Variants in ADAMTS2 observed in about 807,000 individuals in gnomAD.
The protein encoded by ADAMTS2 is ADAM metallopeptidase with thrombospondin type 1 motif 2.
In ADAMTS2, 50 loss-of-function variants were observed where a neutral mutation model predicts 123.0. The observed-to-expected ratio is 0.41, with a 90% CI of 0.32 to 0.51. The LOEUF is 0.51. Among genes scored for constraint, ADAMTS2 ranks in the 20% least tolerant of loss-of-function variants. The probability of loss-of-function intolerance (pLI) is 0.35; values close to 1 mark genes in which losing one functional copy is unlikely to be tolerated. For synonymous variants in ADAMTS2, 678 were observed against 695.4 expected (o/e 0.98, Z 0.39); for missense variants, 1,494 against 1,705.2 (o/e 0.88, Z 2.18).
chr5:179,245,524 T>C (rs1055173596), intron 3 of ADAMTS2, among the ~76,000 whole-genome samples: 4 of 148,616 alleles, frequency 2.7e-5, no homozygotes, highest in Admixed American at 2.7e-4. Context: ...CCCAGCACTT[T>C]GGGAGGCCGA....
intron 4 of ADAMTS2, among the ~76,000 whole-genome samples, chr5:179,186,157 A>G (rs1561794426): frequency 6.6e-6 from 1 of 152,036 alleles, no homozygotes; most frequent in Non-Finnish European, 1.5e-5. Context: ...TGGGCCTGGG[A>G]TCCTGCTCCG....
chr5:179,226,238 TC>T, intron 3 of ADAMTS2, among the ~76,000 whole-genome samples: 2 of 141,396 alleles, frequency 1.4e-5, no homozygotes, highest in Non-Finnish European at 3.2e-5. Context: ...CTTCCTTCCT[TC>T]CTTTCTTTCT....
Position 179,285,218 on chromosome 5 carries a change from AT to A in ADAMTS2, c.535-12155del, listed in dbSNP as rs900094490. Among the ~76,000 whole-genome samples, 1 of 151,988 alleles carries A rather than the reference AT, an allele frequency of 6.6e-6. No individual in the cohort carries two copies. The highest frequency in any genetic ancestry group is 2.4e-5 in the African/African-American group (1 of 41,448). ...TTCACTTTTTATTAATATTTTCTGT[AT>A]TTTTTTTGTTTTACATTTTTACAAA... is the stretch of plus-strand genomic sequence containing the variant. On this transcript the variant is annotated intron_variant, in intron 2 of 21. Coordinates refer to ENST00000251582, the MANE Select transcript of ADAMTS2 (RefSeq NM_014244.5). The surrounding 1 kb of genome is among the most constrained non-coding windows in gnomAD (Gnocchi z 4.9).
At position 179,290,864 on chromosome 5, in the gene ADAMTS2, G is replaced by A. The variant is rs767247572; in HGVS notation, c.535-17800C>T. 3.3e-5 allele frequency among the ~76,000 whole-genome samples: 5 copies of A among 152,176 alleles called. No homozygotes were observed. In the South Asian group the frequency reaches 6.2e-4, roughly 19 times the overall value. On this transcript the variant is annotated intron_variant, in intron 2 of 21. Coordinates refer to ENST00000251582, the MANE Select transcript of ADAMTS2 (RefSeq NM_014244.5). Reference sequence around the variant, plus strand: ...GCCCTGAGAAGGAAGCAAGCCTGGCGTGTTCCAGGAACACCAGGGAGAACC... The same window carrying A: ...GCCCTGAGAAGGAAGCAAGCCTGGCATGTTCCAGGAACACCAGGGAGAACC...
rs1236555016 is a variant in ADAMTS2, at chr5:179,317,538, G to C, written c.534+26229C>G. Reference sequence around the variant, plus strand: ...ACCCAGAGGCCATCCCAGCGACACTGTGTGGGGACTCCTGCACCTCTTCCT... The same window carrying C: ...ACCCAGAGGCCATCCCAGCGACACTCTGTGGGGACTCCTGCACCTCTTCCT... On this transcript the variant is annotated intron_variant, in intron 2 of 21. Coordinates refer to ENST00000251582, the MANE Select transcript of ADAMTS2 (RefSeq NM_014244.5). This position sits in a 1 kb window ranked among gnomAD's most constrained non-coding sequence, Gnocchi z 4.9. Among the ~76,000 whole-genome samples the C allele has an allele frequency of 6.6e-6, 1 of 152,188 alleles. No homozygotes were observed. The highest frequency in any genetic ancestry group is 1.5e-5 in the Non-Finnish European group (1 of 68,036).
At chr5:179,293,456 T>C (rs1332888384) in intron 2 of ADAMTS2, among the ~76,000 whole-genome samples, 2 of 152,246 alleles carry the variant, frequency 1.3e-5, no homozygotes, top group South Asian at 2.1e-4. Context: ...ATAGGGAACA[T>C]GGCCTTCCCA....
chr5:179,333,507 C>G (rs1757531113), intron 2 of ADAMTS2, among the ~76,000 whole-genome samples: 1 of 151,790 alleles, frequency 6.6e-6, no homozygotes. Context: ...CAAAGCTCCT[C>G]AAATCCCATG....
In ADAMTS2 at chr5:179,129,925, G is replaced by T. The variant is rs777818449; in HGVS notation, c.2457+7C>A. 1.2e-6 allele frequency: 2 copies of T among 1,613,762 alleles called. No individual in the cohort carries two copies. The highest frequency in any genetic ancestry group is 8.5e-7 in the Non-Finnish European group (1 of 1,180,004). On this transcript the variant is annotated splice_region_variant and intron_variant, in intron 16 of 21. Coordinates refer to ENST00000251582, the MANE Select transcript of ADAMTS2 (RefSeq NM_014244.5). This position sits in a 1 kb window ranked among gnomAD's most constrained non-coding sequence, Gnocchi z 4.1. ...CCTTCCCTGGGCCCAGCCCTGCTTGGACTCACCAGAACGGTGATGGTGCCG... is the reference window on the plus strand; with the variant it reads ...CCTTCCCTGGGCCCAGCCCTGCTTGTACTCACCAGAACGGTGATGGTGCCG...
At chr5:179,273,356 C>T (rs886839520) in intron 2 of ADAMTS2, among the ~76,000 whole-genome samples, 9 of 152,094 alleles carry the variant, frequency 5.9e-5, no homozygotes, top group African/African-American at 2.2e-4. Flanking sequence ...AAGTCAAAAC[C>T]GTCCAGAGAA....
chr5:179,321,580 G>A (rs1047445817), intron 2 of ADAMTS2, among the ~76,000 whole-genome samples: 15 of 152,104 alleles, frequency 9.9e-5, no homozygotes, highest in Admixed American at 5.2e-4. Flanking sequence ...CACATGGTGG[G>A]GGGCCAAGGA....
chr5:179,195,004 C>T lies in ADAMTS2; in HGVS notation c.891+12509G>A, dbSNP rs189056287. Among the ~76,000 whole-genome samples the T allele has an allele frequency of 2.0e-4, 31 of 152,296 alleles. No homozygotes were observed. The East Asian group carries it at 2.3e-3, about 11-fold the overall frequency. The stretch of plus-strand genomic sequence containing the variant: ...CACGATGCGGCCAGGCCTTTGCGCG[C>T]GCTGTGCCACCACCAGGAGTCCTCA... On this transcript the variant is annotated intron_variant, in intron 4 of 21. Transcript: ENST00000251582.
rs763602444 is a variant in ADAMTS2 at position 179,117,784 on chromosome 5, C to G, written c.3179-3460G>C. Among the ~76,000 whole-genome samples the G allele has an allele frequency of 7.9e-5, 12 of 152,132 alleles. No individual in the cohort carries two copies. Among genetic ancestry groups the G allele is most frequent in the Non-Finnish European group, 1.6e-4 (11 of 68,018 alleles). The stretch of plus-strand genomic sequence containing the variant: ...AACTCCTGACCTTGTGATCCATCCA[C>G]CTCAGCCTCCCAAAGTGCTGGGATT... On this transcript the variant is annotated intron_variant, in intron 21 of 21. Transcript: ENST00000251582. This position sits in a 1 kb window ranked among gnomAD's most constrained non-coding sequence, Gnocchi z 4.2.
intron 3 of ADAMTS2, among the ~76,000 whole-genome samples, chr5:179,240,806 G>C (rs538355730): frequency 6.6e-6 from 1 of 152,340 alleles, no homozygotes; most frequent in South Asian, 2.1e-4. Flanking sequence ...GATGCCAATA[G>C]ACACACTGCT....
At chr5:179,200,556 C>T (rs1764540369) in intron 4 of ADAMTS2, among the ~76,000 whole-genome samples, 1 of 152,072 alleles carries the variant, frequency 6.6e-6, no homozygotes, top group Non-Finnish European at 1.5e-5. Context: ...GCCTATCTTT[C>T]CTCTTACTTT....
At chr5:179,144,715 A>G (rs544496608) in intron 10 of ADAMTS2, among the ~76,000 whole-genome samples, 1 of 152,376 alleles carries the variant, frequency 6.6e-6, no homozygotes, top group Admixed American at 6.5e-5. Flanking sequence ...GACGTTGGAC[A>G]TCTTCCTCAC....
At chr5:179,183,320 A>T (rs1764092059) in intron 4 of ADAMTS2, among the ~76,000 whole-genome samples, 1 of 152,206 alleles carries the variant, frequency 6.6e-6, no homozygotes, top group Admixed American at 6.5e-5. Flanking sequence ...AGTCTGACCG[A>T]GGGAAGGTCC....
chr5:179,174,489 T>G (rs779721761), intron 5 of ADAMTS2, among the ~76,000 whole-genome samples: 5 of 152,228 alleles, frequency 3.3e-5, no homozygotes, highest in African/African-American at 7.2e-5. Context: ...TCTTCTTGAT[T>G]TGTGTGATTT....
intron 2 of ADAMTS2, among the ~76,000 whole-genome samples, chr5:179,333,686 G>A (rs145501136): frequency 9.6e-4 from 133 of 138,510 alleles, no homozygotes; most frequent in African/African-American, 3.2e-3. Flanking sequence ...TGCAAGCTCC[G>A]CCTCCTGGGT....
intron 4 of ADAMTS2, among the ~76,000 whole-genome samples, chr5:179,198,837 G>GAAA (rs966397918): frequency 7.8e-6 from 1 of 127,740 alleles, no homozygotes; most frequent in Non-Finnish European, 1.7e-5. Context: ...CTATCTCAAG[G>GAAA]AAAAAAAAAA....
Sources: gnomAD v4.1 joint callset for allele counts (sites outside exome capture counted in the v4.1 genomes callset) on GRCh38, gnomAD v4.1.1 for gene constraint, Gnocchi (gnomAD v3.1) non-coding constraint, MANE v1.5 for transcripts, NCBI Gene and HGNC (gene_info 2026-07-23, HGNC 2026-07-21) for gene names.